The following ARGLU1 variants were observed in gnomAD, a reference collection of about 807,000 sequenced individuals.
The protein encoded by ARGLU1 is arginine and glutamate rich 1.
In ARGLU1, 9 loss-of-function variants were observed where a neutral mutation model predicts 37.6. The observed-to-expected ratio is 0.24, with a 90% confidence interval of 0.14 to 0.42. The LOEUF is 0.42. ARGLU1 is among the 10% of genes least tolerant of loss of function. The pLI is 1.00. For missense variants in ARGLU1, 211 were observed against 359.2 expected, an observed-to-expected ratio of 0.59 and a Z score of 3.34; for synonymous variants, 166 against 138.5, an observed-to-expected ratio of 1.20 and a Z score of -1.39.
chr13:106,555,603 A>T (rs2138970412), intron 3 of ARGLU1, among the ~76,000 whole-genome samples: 1 of 152,340 alleles, frequency 6.6e-6, no homozygotes, highest in Non-Finnish European at 1.5e-5. Context: ...AACTGGGATT[A>T]AAAAACAAAA....
intron 1 of ARGLU1, among the ~76,000 whole-genome samples, chr13:106,565,031 C>A (rs1268018586): frequency 6.6e-6 from 1 of 152,166 alleles, no homozygotes; most frequent in South Asian, 2.1e-4. Context: ...TCCATTCCAA[C>A]AACCATCCTC....
Position 106,557,465 on chromosome 13 carries a change from TATAA to T in ARGLU1, c.574-338_574-335del, listed in dbSNP as rs1207058906. 8 of 965,666 alleles carry T rather than the reference TATAA, an allele frequency of 8.3e-6. No homozygotes were observed. Among genetic ancestry groups the T allele is most frequent in the East Asian group, 3.2e-5 (1 of 30,780 alleles). 59.8% of individuals were successfully genotyped at this position (965,666 alleles called of 1,614,324 possible). ...CAAATTAAAAAAATAATATATAAAA[TATAA>T]ATAAAGTGAATATTTGTCTCACCAA... On this transcript the variant is annotated intron_variant, in intron 2 of 3. Coordinates refer to ENST00000400198, the MANE Select transcript of ARGLU1 (RefSeq NM_018011.4). This position sits in a 1 kb window ranked among gnomAD's most constrained non-coding sequence, Gnocchi z 5.0.
At chr13:106,552,988 A>T (rs1237683199) in intron 3 of ARGLU1, among the ~76,000 whole-genome samples, 1 of 152,232 alleles carries the variant, frequency 6.6e-6, no homozygotes, top group East Asian at 1.9e-4. Flanking sequence ...TCGTGTGGCT[A>T]GGCTAACACA....
chr13:106,553,957 C>T (rs1004944382), intron 3 of ARGLU1, among the ~76,000 whole-genome samples: 5 of 152,176 alleles, frequency 3.3e-5, no homozygotes, highest in African/African-American at 9.7e-5. Flanking sequence ...AGTTTCCACA[C>T]CCTAGCCTTT....
rs550322659 is a variant in ARGLU1 at position 106,548,394 on chromosome 13, C to G, written c.658-4234G>C. ...TTGCCGGAGAATACAACCATTGCTCCTTTCCCTGCTTGTTTCACATTTATG... is the reference window on the plus strand; with the variant it reads ...TTGCCGGAGAATACAACCATTGCTCGTTTCCCTGCTTGTTTCACATTTATG... On this transcript the variant is annotated intron_variant, in intron 3 of 3. Transcript: ENST00000400198. Among the ~76,000 whole-genome samples the G allele has an allele frequency of 1.7e-4, 26 of 152,258 alleles. No homozygotes were observed. The South Asian group carries it at 5.0e-3, about 29-fold the overall frequency.
chr13:106,546,214 T>A (rs1594187434), intron 3 of ARGLU1, among the ~76,000 whole-genome samples: 1 of 152,166 alleles, frequency 6.6e-6, no homozygotes. Context: ...CTTCAATCCA[T>A]CCTACACGAT....
rs1189146411 is a variant in ARGLU1 at position 106,559,531 on chromosome 13, G to A, written c.474C>T (p.Leu158=). ...TGCGTTTGGCTTCCTCCACCCTTCG[G>A]AGAACTTCTCGTTCAATTTCATCCT... ...KRKDEIEREV[L]RRVEEAKRIM... is the part of the protein sequence containing the mutation. Residue 158 remains leucine, a synonymous_variant, in exon 2 of 4, where the codon CTC becomes CTT. Transcript: ENST00000400198. 6.2e-7 allele frequency: 1 copy of A among 1,613,954 alleles called. No homozygotes were observed. The highest frequency in any genetic ancestry group is 2.2e-5 in the East Asian group (1 of 44,890).
chr13:106,548,348 T>G (rs1363507708), intron 3 of ARGLU1, among the ~76,000 whole-genome samples: 3 of 152,222 alleles, frequency 2.0e-5, no homozygotes, highest in Non-Finnish European at 4.4e-5. Flanking sequence ...GTAGTAACTT[T>G]TTCTTTCCTG....
intron 3 of ARGLU1, among the ~76,000 whole-genome samples, chr13:106,545,646 C>T (rs897899380): frequency 3.3e-5 from 5 of 151,974 alleles, no homozygotes; most frequent in African/African-American, 9.7e-5. Flanking sequence ...AACAGGACTC[C>T]GGTATGCAAT....
intron 1 of ARGLU1, among the ~76,000 whole-genome samples, chr13:106,564,136 C>A (rs1431212095): frequency 6.6e-6 from 1 of 152,084 alleles, no homozygotes; most frequent in East Asian, 1.9e-4. Flanking sequence ...ATGTGAACTG[C>A]CTATTCAAAA....
intron 1 of ARGLU1, among the ~76,000 whole-genome samples, chr13:106,566,767 C>A (rs1223472169): frequency 6.6e-6 from 1 of 152,142 alleles, no homozygotes; most frequent in Non-Finnish European, 1.5e-5. Flanking sequence ...ATAAAATCAA[C>A]CCTTCAAGTG....
chr13:106,567,864 T>C lies in ARGLU1; in HGVS notation c.56A>G (p.Lys19Arg), dbSNP rs1259223064. The C allele has an allele frequency of 1.9e-6, 3 of 1,612,886 alleles. No homozygotes were observed. The highest frequency in any genetic ancestry group is 1.3e-5 in the African/African-American group (1 of 74,900). Residue 19 changes from lysine (K) to arginine (R), a missense_variant, in exon 1 of 4, where the codon AAG becomes AGG. Physicochemically the swap from Lys to Arg is conservative, Grantham distance 26. This residue lies in a region of ARGLU1 where 130 missense variants were observed against 179.8 expected (regional missense o/e 0.72). Coordinates refer to ENST00000400198, the MANE Select transcript of ARGLU1 (RefSeq NM_018011.4). This position sits in a 1 kb window ranked among gnomAD's most constrained non-coding sequence, Gnocchi z 4.3. Reference protein sequence around the residue: ...SSRSKHTKSSKHNKKRSRSRS... With the variant: ...SSRSKHTKSSRHNKKRSRSRS... ...GGACCGGCTGCGCTTCTTGTTGTGCTTGCTGCTCTTGGTGTGCTTGGAGCG... is the reference window on the plus strand; with the variant it reads ...GGACCGGCTGCGCTTCTTGTTGTGCCTGCTGCTCTTGGTGTGCTTGGAGCG...
chr13:106,550,971 C>T (rs890882562), intron 3 of ARGLU1, among the ~76,000 whole-genome samples: 1 of 152,164 alleles, frequency 6.6e-6, no homozygotes. Context: ...TTTGGAGGTC[C>T]CCTACACGTC....
chr13:106,553,163 A>T lies in ARGLU1; in HGVS notation c.657+3885T>A, dbSNP rs577389932. On this transcript the variant is annotated intron_variant, in intron 3 of 3. Coordinates refer to ENST00000400198, the MANE Select transcript of ARGLU1 (RefSeq NM_018011.4). ...AGAAACTGAAGAAAAGTATAAAGTT[A>T]CACGTAAGACTACCAATTAAGGATA... Among the ~76,000 whole-genome samples, 3 of 152,372 alleles carry T rather than the reference A, an allele frequency of 2.0e-5. No homozygotes were observed. In the East Asian group the frequency reaches 5.8e-4, roughly 29 times the overall value.
chr13:106,553,117 T>C (rs1369327554), intron 3 of ARGLU1, among the ~76,000 whole-genome samples: 1 of 152,198 alleles, frequency 6.6e-6, no homozygotes, highest in Admixed American at 6.5e-5. Flanking sequence ...AAAAAAGTGA[T>C]ATACATTACT....
At position 106,568,130 on chromosome 13, in the gene ARGLU1, G is replaced by T; in HGVS notation, c.-211C>A. Reference sequence around the variant, plus strand: ...CGTAGCGCCAGGCGCCCCTAAGATGGCAGCTGCGGCTGCACCGGCCGCCCT... The same window carrying T: ...CGTAGCGCCAGGCGCCCCTAAGATGTCAGCTGCGGCTGCACCGGCCGCCCT... On this transcript the variant is annotated 5_prime_UTR_variant, in exon 1 of 4. Coordinates refer to ENST00000400198, the MANE Select transcript of ARGLU1 (RefSeq NM_018011.4). 1 of 697,178 alleles carries T rather than the reference G, an allele frequency of 1.4e-6. No individual in the cohort carries two copies. 43.2% of individuals were successfully genotyped at this position (697,178 alleles called of 1,614,324 possible). A position where few individuals can be genotyped will look rare whatever the true frequency, so the allele number is the denominator to read the frequency against.
intron 3 of ARGLU1, among the ~76,000 whole-genome samples, chr13:106,555,825 C>A (rs1317863411): frequency 2.0e-5 from 3 of 152,198 alleles, no homozygotes; most frequent in African/African-American, 7.2e-5. Flanking sequence ...AGGCCACCCA[C>A]ATAATGAACC....
intron 1 of ARGLU1, among the ~76,000 whole-genome samples, chr13:106,561,390 C>T (rs1880795850): frequency 1.3e-5 from 2 of 151,264 alleles, no homozygotes; most frequent in Non-Finnish European, 2.9e-5. Flanking sequence ...AATAATCTGC[C>T]TTTGTGAATA....
chr13:106,554,327 C>G (rs557270644), intron 3 of ARGLU1, among the ~76,000 whole-genome samples: 114 of 152,276 alleles, frequency 7.5e-4, no homozygotes, highest in South Asian at 5.0e-3. Flanking sequence ...TTTCTAGAGG[C>G]CAGAATGCTT....
Sources: gnomAD v4.1 joint callset for allele counts (sites outside exome capture counted in the v4.1 genomes callset) on GRCh38, gnomAD v4.1.1 for gene constraint, gnomAD v4.1.1 regional missense constraint, Gnocchi (gnomAD v3.1) non-coding constraint, MANE v1.5 for transcripts, NCBI Gene and HGNC (gene_info 2026-07-23, HGNC 2026-07-21) for gene names.